The following ASB3 variants were observed in gnomAD, a reference collection of about 807,000 sequenced individuals.
The protein encoded by ASB3 is ankyrin repeat and SOCS box containing 3.
A neutral mutation model predicts 54.5 loss-of-function variants in ASB3; 41 were observed. The observed-to-expected ratio is 0.75, with a 90% CI of 0.59 to 0.98. The LOEUF is 0.98. ASB3 is among the 50% of genes least tolerant of loss of function. ASB3 has a pLI of 0.00. For missense variants in ASB3, 733 were observed against 620.0 expected (o/e 1.18, Z -1.94); for synonymous variants, 266 against 221.2 (o/e 1.20, Z -1.80).
At chr2:53,768,152 C>G in intron 1 of ASB3, 1 of 1,078,890 alleles carries the variant, frequency 9.3e-7, no homozygotes, top group Non-Finnish European at 1.3e-6. Context: ...CTTGGGGTAA[C>G]ATTTCTGTAG....
At chr2:53,677,020 C>T (rs377610313) in intron 9 of ASB3, among the ~76,000 whole-genome samples, 9 of 152,174 alleles carry the variant, frequency 5.9e-5, no homozygotes, top group African/African-American at 2.2e-4. Flanking sequence ...CCACCCGCCT[C>T]AGCCTCCCAA....
At chr2:53,779,660 C>T (rs1458812915) in intron 1 of ASB3, among the ~76,000 whole-genome samples, 1 of 152,138 alleles carries the variant, frequency 6.6e-6, no homozygotes, top group Non-Finnish European at 1.5e-5. Flanking sequence ...TGGTCTTGAA[C>T]TCCTGAGCTC....
intron 3 of ASB3, among the ~76,000 whole-genome samples, chr2:53,747,685 A>G (rs199864657): frequency 6.6e-6 from 1 of 152,218 alleles, no homozygotes; most frequent in African/African-American, 2.4e-5. Context: ...TTTGGGAGTT[A>G]CAACAGTGAA....
chr2:53,749,590 T>C (rs76552984), intron 3 of ASB3, among the ~76,000 whole-genome samples: 9,301 of 152,176 alleles, frequency 0.061, 500 homozygotes, highest in East Asian at 0.28. Flanking sequence ...CACATCTATT[T>C]AATCACATCT....
intron 7 of ASB3, among the ~76,000 whole-genome samples, chr2:53,704,180 G>A (rs1221456988): frequency 1.3e-5 from 2 of 151,764 alleles, no homozygotes; most frequent in African/African-American, 4.8e-5. Context: ...GACCAACATG[G>A]GAAAACCCAT....
intron 3 of ASB3, among the ~76,000 whole-genome samples, chr2:53,734,428 T>TC (rs1329639830): frequency 3.3e-5 from 5 of 152,234 alleles, no homozygotes; most frequent in African/African-American, 4.8e-5. Context: ...CAAAGACTAC[T>TC]CTTCTTGAGT....
chr2:53,692,575 T>G (rs1396775274), intron 9 of ASB3, among the ~76,000 whole-genome samples: 2 of 152,182 alleles, frequency 1.3e-5, no homozygotes, highest in Non-Finnish European at 2.9e-5. Context: ...ATGGATTTAG[T>G]CTACTGCAGG....
intron 5 of ASB3, among the ~76,000 whole-genome samples, chr2:53,722,552 G>A (rs1670769695): frequency 6.6e-6 from 1 of 152,194 alleles, no homozygotes; most frequent in South Asian, 2.1e-4. Context: ...GATTCACCAC[G>A]TAAAGAAAAT....
At chr2:53,742,514 T>C (rs1363019210) in intron 3 of ASB3, among the ~76,000 whole-genome samples, 1 of 152,044 alleles carries the variant, frequency 6.6e-6, no homozygotes, top group Non-Finnish European at 1.5e-5. Flanking sequence ...TCTACAACTG[T>C]AAATTTTAAA....
chr2:53,756,193 AT>A (rs1377931463), intron 2 of ASB3, among the ~76,000 whole-genome samples: 1 of 152,166 alleles, frequency 6.6e-6, no homozygotes, highest in East Asian at 1.9e-4. Flanking sequence ...AATTAAAAAA[AT>A]AAAAATAAGG....
At chr2:53,680,279 C>G (rs144375198) in intron 9 of ASB3, among the ~76,000 whole-genome samples, 102 of 152,302 alleles carry the variant, frequency 6.7e-4, no homozygotes, top group African/African-American at 2.4e-3. Context: ...ATTGCTGGAT[C>G]GAACAGTATG....
intron 8 of ASB3, among the ~76,000 whole-genome samples, chr2:53,696,853 C>G (rs1669209178): frequency 6.6e-6 from 1 of 152,134 alleles, no homozygotes; most frequent in Admixed American, 6.5e-5. Flanking sequence ...AGACTAGACA[C>G]AAATACTATG....
At chr2:53,744,669 A>G (rs1039296703) in intron 3 of ASB3, among the ~76,000 whole-genome samples, 3 of 152,188 alleles carry the variant, frequency 2.0e-5, no homozygotes, top group African/African-American at 4.8e-5. Context: ...TTTTATTAAC[A>G]TAATATATAA....
chr2:53,718,806 C>A (rs1670539191), intron 5 of ASB3, among the ~76,000 whole-genome samples: 1 of 151,706 alleles, frequency 6.6e-6, no homozygotes, highest in Admixed American at 6.6e-5. Context: ...CATCTGCTGC[C>A]TTCAAGAGAC....
At chr2:53,731,584 A>G (rs1345090826) in intron 3 of ASB3, among the ~76,000 whole-genome samples, 3 of 152,204 alleles carry the variant, frequency 2.0e-5, no homozygotes, top group South Asian at 4.1e-4. Context: ...TAAACGATCT[A>G]AAGTCAATCT....
In ASB3 at chr2:53,670,986, G is replaced by T. The variant is rs34574323; in HGVS notation, c.1370-296C>A. Among the ~76,000 whole-genome samples, 1,240 of 152,290 alleles carry T rather than the reference G, an allele frequency of 8.1e-3. 12 individuals carry two copies. The highest frequency in any genetic ancestry group is 0.028 in the African/African-American group (1,180 of 41,550). The stretch of plus-strand genomic sequence containing the variant: ...TAATACCTGCACTTAAGAAATGGAT[G>T]AACCAACTTTAGAAATGGTGGAAGC... On this transcript the variant is annotated intron_variant, in intron 9 of 9. Coordinates refer to ENST00000263634, the MANE Select transcript of ASB3 (RefSeq NM_016115.5).
chr2:53,707,427 G>A (rs1669842278), intron 7 of ASB3, among the ~76,000 whole-genome samples: 1 of 152,016 alleles, frequency 6.6e-6, no homozygotes, highest in Non-Finnish European at 1.5e-5. Context: ...CAGATCACTG[G>A]AGCTCAGGAG....
At position 53,750,918 on chromosome 2, in the gene ASB3, T is replaced by C; in HGVS notation, c.220A>G (p.Met74Val). 3 of 1,576,848 alleles carry C rather than the reference T, an allele frequency of 1.9e-6. No individual in the cohort carries two copies. The highest frequency in any genetic ancestry group is 1.2e-5 in the South Asian group (1 of 81,876). ...NADSSENYIKMKTFEGFCALH... is the reference protein window; with the variant it reads ...NADSSENYIKVKTFEGFCALH... Reference sequence around the variant, plus strand: ...GCACAGAAACCTTCAAAGGTCTTCATCTTAATGTAGTTTTCAGATGAATCT... The same window carrying C: ...GCACAGAAACCTTCAAAGGTCTTCACCTTAATGTAGTTTTCAGATGAATCT... The change falls in exon 3 of 10, where the codon ATG becomes GTG. Residue 74 changes from methionine (M) to valine (V), a missense_variant. By Grantham distance (21) the Met-to-Val change is conservative. Coordinates refer to ENST00000263634, the MANE Select transcript of ASB3 (RefSeq NM_016115.5).
At chr2:53,728,911 T>C in intron 4 of ASB3, 64 bp from the exon 5 acceptor site, 1 of 1,487,414 alleles carries the variant, frequency 6.7e-7, no homozygotes, top group Non-Finnish European at 8.9e-7. Context: ...ATCTTTCTTC[T>C]TACTGTGTTT....
Sources: gnomAD v4.1 joint callset for allele counts (sites outside exome capture counted in the v4.1 genomes callset) on GRCh38, gnomAD v4.1.1 for gene constraint, MANE v1.5 for transcripts, NCBI Gene and HGNC (gene_info 2026-07-23, HGNC 2026-07-21) for gene names.